The following DCPS variants were observed in gnomAD, a reference collection of about 807,000 sequenced individuals.
DCPS encodes the protein decapping enzyme, scavenger.
A neutral mutation model predicts 34.7 loss-of-function variants in DCPS; 27 were observed. The ratio of observed to expected loss-of-function variants is 0.78; its 90% CI spans 0.57 to 1.07. The LOEUF is 1.07. Ranked by LOEUF, DCPS falls within the 50% of genes least tolerant of loss-of-function variation. The pLI is 0.00. For synonymous variants in DCPS, 185 were observed against 185.7 expected (o/e 1.00, Z 0.03); for missense variants, 464 against 436.9 (o/e 1.06, Z -0.55).
chr11:126,307,332 C>CAA (rs113182860), intron 2 of DCPS, among the ~76,000 whole-genome samples: 35 of 83,436 alleles, frequency 4.2e-4, no homozygotes, highest in African/African-American at 1.5e-3. Context: ...AACCCTATCT[C>CAA]AAAAAAAAAA....
At chr11:126,309,968 T>C (rs1453268631) in intron 2 of DCPS, among the ~76,000 whole-genome samples, 1 of 152,190 alleles carries the variant, frequency 6.6e-6, no homozygotes, top group African/African-American at 2.4e-5. Flanking sequence ...CACTCTTGGT[T>C]TGCTGATTGT....
In DCPS at chr11:126,331,466, G is replaced by C; in HGVS notation, c.438G>C (p.Gln146His). The C allele has an allele frequency of 6.2e-7, 1 of 1,614,156 alleles. No homozygotes were observed. The highest frequency in any genetic ancestry group is 8.5e-7 in the Non-Finnish European group (1 of 1,180,028). The change falls in exon 3 of 6, where the codon CAG (glutamine) becomes CAC (histidine). Residue 146 changes from glutamine (Q) to histidine (H), a missense_variant. Physicochemically the swap from Gln to His is conservative, Grantham distance 24. Coordinates refer to ENST00000263579, the MANE Select transcript of DCPS (RefSeq NM_014026.6). The surrounding 1 kb of genome is among the most constrained non-coding windows in gnomAD (Gnocchi z 7.2). ...AACACCTGCAGAAGTACCTGCGCCA[G>C]GACCTCCGCCTGATCCGAGAGACGG... The part of the protein sequence containing the change: ...TEKHLQKYLR[Q>H]DLRLIRETGD...
intron 2 of DCPS, among the ~76,000 whole-genome samples, chr11:126,324,290 G>C (rs1365569049): frequency 6.6e-6 from 1 of 152,080 alleles, no homozygotes; most frequent in Admixed American, 6.6e-5. Flanking sequence ...CCTATCTGCT[G>C]ATCTACTTGG....
chr11:126,326,853 G>A lies in DCPS; in HGVS notation c.377-4552G>A, dbSNP rs369376644. ...CAGGAGAATGGCGTGAGCCCGGGAG[G>A]CGGAGCTTGCAGTGAGCCGAGATCA... On this transcript the variant is annotated intron_variant, in intron 2 of 5. Coordinates refer to ENST00000263579, the MANE Select transcript of DCPS (RefSeq NM_014026.6). Among the ~76,000 whole-genome samples, 810 of 152,110 alleles carry A rather than the reference G, an allele frequency of 5.3e-3. 10 individuals are homozygous for A. Among genetic ancestry groups the A allele is most frequent in the African/African-American group, 0.019 (783 of 41,520 alleles).
At chr11:126,343,258 C>T (rs781468286) in intron 4 of DCPS, 49 bp from the exon 5 acceptor site, 5 of 1,527,324 alleles carry the variant, frequency 3.3e-6, no homozygotes, top group Non-Finnish European at 4.5e-6. Flanking sequence ...TGGCAGCCTC[C>T]CCAGGTCTGT....
At chr11:126,304,361 G>T in intron 1 of DCPS, 80 bp downstream of exon 1, 4 of 1,513,880 alleles carry the variant, frequency 2.6e-6, no homozygotes, top group Non-Finnish European at 3.6e-6. Context: ...TTTTTTTTCG[G>T]ATCTCGGCTG....
chr11:126,320,662 G>T lies in DCPS; in HGVS notation c.377-10743G>T, dbSNP rs1008101181. 1.3e-5 allele frequency among the ~76,000 whole-genome samples: 2 copies of T among 152,088 alleles called. No homozygotes were observed. The highest frequency in any genetic ancestry group is 2.4e-5 in the African/African-American group (1 of 41,416). On this transcript the variant is annotated intron_variant, in intron 2 of 5. Transcript: ENST00000263579. This position sits in a 1 kb window ranked among gnomAD's most constrained non-coding sequence, Gnocchi z 4.7. ...TACAAAAAATACAAAAATTAGCCAG[G>T]TGTAGTGGTGTGTGCCTATAGTTCC...
At position 126,329,341 on chromosome 11, in the gene DCPS, G is replaced by A. The variant is rs767635820; in HGVS notation, c.377-2064G>A. On this transcript the variant is annotated intron_variant, in intron 2 of 5. Coordinates refer to ENST00000263579, the MANE Select transcript of DCPS (RefSeq NM_014026.6). The surrounding 1 kb of genome is among the most constrained non-coding windows in gnomAD (Gnocchi z 5.0). ...TAGCAACTCGTGATCCAGCTGACACGTTTTATTGAATGTAAACAACTCTGT... is the reference window on the plus strand; with the variant it reads ...TAGCAACTCGTGATCCAGCTGACACATTTTATTGAATGTAAACAACTCTGT... 2.2e-4 allele frequency among the ~76,000 whole-genome samples: 34 copies of A among 152,286 alleles called. No homozygotes were observed. The highest frequency in any genetic ancestry group is 7.5e-4 in the African/African-American group (31 of 41,566).
intron 2 of DCPS, among the ~76,000 whole-genome samples, chr11:126,330,110 G>C (rs935187531): frequency 6.6e-6 from 1 of 152,156 alleles, no homozygotes; most frequent in Non-Finnish European, 1.5e-5. Flanking sequence ...CAGGAAGCTA[G>C]CCTAGAGTCT....
rs572501427 is a variant in DCPS at position 126,349,701 on chromosome 11, C to G, written c.*4088C>G. Among the ~76,000 whole-genome samples, 8 of 152,328 alleles carry G rather than the reference C, an allele frequency of 5.3e-5. No individual in the cohort carries two copies. In the South Asian group the frequency reaches 1.7e-3, roughly 32 times the overall value. ...TATTTTATTGATGTAGGTCTGCCAA[C>G]TCTTCCTTCTCAGGAAGGACTGTTT... On this transcript the variant is annotated 3_prime_UTR_variant, in exon 6 of 6. Coordinates refer to ENST00000263579, the MANE Select transcript of DCPS (RefSeq NM_014026.6). This position sits in a 1 kb window ranked among gnomAD's most constrained non-coding sequence, Gnocchi z 5.4.
In DCPS at chr11:126,347,516, G is replaced by A. The variant is rs147203943; in HGVS notation, c.*1903G>A. On this transcript the variant is annotated 3_prime_UTR_variant, in exon 6 of 6. Coordinates refer to ENST00000263579, the MANE Select transcript of DCPS (RefSeq NM_014026.6). The surrounding 1 kb of genome is among the most constrained non-coding windows in gnomAD (Gnocchi z 4.2). ...TGGGATTCCAGGCGTGAGCCACCGCGCCCAGCCCCTGCAATACGTCAACAG... is the reference window on the plus strand; with the variant it reads ...TGGGATTCCAGGCGTGAGCCACCGCACCCAGCCCCTGCAATACGTCAACAG... Among the ~76,000 whole-genome samples, 1,631 of 152,230 alleles carry A rather than the reference G, an allele frequency of 0.011. 15 individuals are homozygous for A. Among genetic ancestry groups the A allele is most frequent in the Middle Eastern group, 0.027 (8 of 294 alleles).
rs1462416268 is a variant in DCPS, at chr11:126,323,401, A to G, written c.377-8004A>G. Reference sequence around the variant, plus strand: ...TTGTGTTTATTTCCATTGTAATATTATATATGCAAGCTGATGCATGTATTT... The same window carrying G: ...TTGTGTTTATTTCCATTGTAATATTGTATATGCAAGCTGATGCATGTATTT... On this transcript the variant is annotated intron_variant, in intron 2 of 5. Coordinates refer to ENST00000263579, the MANE Select transcript of DCPS (RefSeq NM_014026.6). This position sits in a 1 kb window ranked among gnomAD's most constrained non-coding sequence, Gnocchi z 4.4. 6.6e-6 allele frequency among the ~76,000 whole-genome samples: 1 copy of G among 152,246 alleles called. No homozygotes were observed. Among genetic ancestry groups the G allele is most frequent in the Admixed American group, 6.5e-5 (1 of 15,274 alleles).
Position 126,345,664 on chromosome 11 carries a change from G to C in DCPS, c.*51G>C. Reference sequence around the variant, plus strand: ...TGTGTGGGATTGGGGGAGGAGTGGGGACAAGATTTTTTATCTCCAAGTGAA... The same window carrying C: ...TGTGTGGGATTGGGGGAGGAGTGGGCACAAGATTTTTTATCTCCAAGTGAA... On this transcript the variant is annotated 3_prime_UTR_variant, in exon 6 of 6. Transcript: ENST00000263579. The surrounding 1 kb of genome is among the most constrained non-coding windows in gnomAD (Gnocchi z 7.4). 6.3e-7 allele frequency: 1 copy of C among 1,576,868 alleles called. No homozygotes were observed. The highest frequency in any genetic ancestry group is 8.6e-7 in the Non-Finnish European group (1 of 1,163,066).
In DCPS at chr11:126,349,590, G is replaced by C. The variant is rs1951972695; in HGVS notation, c.*3977G>C. Among the ~76,000 whole-genome samples, 1 of 152,162 alleles carries C rather than the reference G, an allele frequency of 6.6e-6. No homozygotes were observed. The highest frequency in any genetic ancestry group is 1.5e-5 in the Non-Finnish European group (1 of 68,036). On this transcript the variant is annotated 3_prime_UTR_variant, in exon 6 of 6. Transcript: ENST00000263579. This position sits in a 1 kb window ranked among gnomAD's most constrained non-coding sequence, Gnocchi z 5.4. ...CCTGTTGAATACAGATCCCCGAACTGAGAAATAAGAAACAACTACATACGA... is the reference window on the plus strand; with the variant it reads ...CCTGTTGAATACAGATCCCCGAACTCAGAAATAAGAAACAACTACATACGA...
rs761465552 is a variant in DCPS at position 126,345,556 on chromosome 11, C to T, written c.957C>T (p.Phe319=). 3.3e-5 allele frequency: 54 copies of T among 1,613,808 alleles called. No individual in the cohort carries two copies. In the South Asian group the frequency reaches 4.6e-4, roughly 14 times the overall value. The change falls in exon 6 of 6, where the codon TTC becomes TTT. Residue 319 remains phenylalanine (F), a synonymous_variant. Transcript: ENST00000263579. The surrounding 1 kb of genome is among the most constrained non-coding windows in gnomAD (Gnocchi z 7.4). ...ACTACCAGCAGCGCACGCTCACCTTCGCCCTCAGGGCTGACGACCCCCTGC... is the reference window on the plus strand; with the variant it reads ...ACTACCAGCAGCGCACGCTCACCTTTGCCCTCAGGGCTGACGACCCCCTGC... ...PRHYQQRTLT[F]ALRADDPLLK...
At chr11:126,343,250 G>T in intron 4 of DCPS, 57 bp from the exon 5 acceptor site, 1 of 1,471,132 alleles carries the variant, frequency 6.8e-7, no homozygotes. Flanking sequence ...TCCAGGGTTG[G>T]CAGCCTCCCC....
At chr11:126,314,659 C>T (rs1951644925) in intron 2 of DCPS, among the ~76,000 whole-genome samples, 1 of 152,050 alleles carries the variant, frequency 6.6e-6, no homozygotes, top group Non-Finnish European at 1.5e-5. Context: ...ACTACTCAGC[C>T]ATAAAAAGGA....
At chr11:126,310,215 T>C (rs1951609311) in intron 2 of DCPS, among the ~76,000 whole-genome samples, 1 of 152,196 alleles carries the variant, frequency 6.6e-6, no homozygotes, top group Non-Finnish European at 1.5e-5. Context: ...ACCATCTGTA[T>C]GCCGGCGACG....
rs1951817594 is a variant in DCPS, at chr11:126,334,706, G to T, written c.522+3156G>T. On this transcript the variant is annotated intron_variant, in intron 3 of 5. Transcript: ENST00000263579. The surrounding 1 kb of genome is among the most constrained non-coding windows in gnomAD (Gnocchi z 5.5). The stretch of plus-strand genomic sequence containing the variant: ...GACAGGTCTCAAAGCCAGGCAGTCT[G>T]GTCCCAGTATCTGTGCCCTAAGCCA... Among the ~76,000 whole-genome samples the T allele has an allele frequency of 6.6e-6, 1 of 152,132 alleles. No individual in the cohort carries two copies.
Sources: gnomAD v4.1 joint callset for allele counts (sites outside exome capture counted in the v4.1 genomes callset) on GRCh38, gnomAD v4.1.1 for gene constraint, Gnocchi (gnomAD v3.1) non-coding constraint, MANE v1.5 for transcripts, NCBI Gene and HGNC (gene_info 2026-07-23, HGNC 2026-07-21) for gene names.